The following PDZRN4 variants were observed in gnomAD, a reference collection of about 807,000 sequenced individuals.
PDZRN4 encodes the protein PDZ domain-containing RING finger protein 4.
A neutral mutation model predicts 99.0 loss-of-function variants in PDZRN4; 70 were observed. The observed-to-expected ratio is 0.71, with a 90% CI of 0.58 to 0.86. PDZRN4 has a LOEUF of 0.86. PDZRN4 is among the 40% of genes least tolerant of loss of function. PDZRN4 has a pLI of 0.00. For synonymous variants in PDZRN4, 551 were observed against 501.6 expected (o/e 1.10, Z -1.32); for missense variants, 1,474 against 1,331.2 (o/e 1.11, Z -1.67).
At chr12:41,375,188 A>G (rs1952070229) in intron 3 of PDZRN4, among the ~76,000 whole-genome samples, 1 of 152,178 alleles carries the variant, frequency 6.6e-6, no homozygotes, top group African/African-American at 2.4e-5. Flanking sequence ...AAAACCCTCA[A>G]TTCAGAACCA....
intron 5 of PDZRN4, among the ~76,000 whole-genome samples, chr12:41,511,572 A>G (rs545707310): frequency 6.6e-6 from 1 of 152,224 alleles, no homozygotes; most frequent in East Asian, 1.9e-4. Context: ...AGGAGTTGCT[A>G]TGACAGTTTT....
At chr12:41,398,681 T>TTA (rs1293497227) in intron 3 of PDZRN4, among the ~76,000 whole-genome samples, 5 of 152,202 alleles carry the variant, frequency 3.3e-5, no homozygotes, top group Non-Finnish European at 4.4e-5. Context: ...CTTCTTTAAT[T>TTA]TATATCACAA....
chr12:41,273,990 T>C (rs140495240), intron 3 of PDZRN4, among the ~76,000 whole-genome samples: 3 of 152,270 alleles, frequency 2.0e-5, no homozygotes, highest in East Asian at 1.9e-4. Flanking sequence ...GTTCATTTTG[T>C]CTTTACTTTG....
chr12:41,225,861 T>A (rs901311478), intron 3 of PDZRN4, among the ~76,000 whole-genome samples: 1 of 152,158 alleles, frequency 6.6e-6, no homozygotes, highest in Non-Finnish European at 1.5e-5. Flanking sequence ...ATTTTCATCA[T>A]GCCTTCTCCT....
intron 3 of PDZRN4, among the ~76,000 whole-genome samples, chr12:41,316,290 TAAAA>T: frequency 6.6e-6 from 1 of 152,102 alleles, no homozygotes; most frequent in East Asian, 1.9e-4. Context: ...AAGCGTATGT[TAAAA>T]TCAAGATAGG....
chr12:41,337,927 T>C (rs1392856733), intron 3 of PDZRN4, among the ~76,000 whole-genome samples: 1 of 151,800 alleles, frequency 6.6e-6, no homozygotes, highest in Non-Finnish European at 1.5e-5. Context: ...CTGTCTTTTT[T>C]TTGTTTTTGT....
At position 41,354,856 on chromosome 12, in the gene PDZRN4, G is replaced by A. The variant is rs182386182; in HGVS notation, c.844-151600G>A. On this transcript the variant is annotated intron_variant, in intron 3 of 9. Coordinates refer to ENST00000402685, the MANE Select transcript of PDZRN4 (RefSeq NM_001164595.2). Reference sequence around the variant, plus strand: ...GAATAATTCAAAAATGTAACTTTTCGGACCTCCTGGAACAAAGGGCAAGTA... The same window carrying A: ...GAATAATTCAAAAATGTAACTTTTCAGACCTCCTGGAACAAAGGGCAAGTA... 1.8e-3 allele frequency among the ~76,000 whole-genome samples: 272 copies of A among 151,954 alleles called. 2 individuals are homozygous for A. Among genetic ancestry groups the A allele is most frequent in the African/African-American group, 6.1e-3 (253 of 41,462 alleles).
chr12:41,288,633 T>C (rs1951436783), intron 3 of PDZRN4, among the ~76,000 whole-genome samples: 1 of 152,172 alleles, frequency 6.6e-6, no homozygotes, highest in South Asian at 2.1e-4. Context: ...TTTGCATGGA[T>C]GAGAAATCAA....
At chr12:41,511,118 A>G (rs898194326) in intron 5 of PDZRN4, among the ~76,000 whole-genome samples, 2 of 152,220 alleles carry the variant, frequency 1.3e-5, no homozygotes, top group East Asian at 1.9e-4. Flanking sequence ...CTTTTGGTTA[A>G]TGAATACTTT....
intron 3 of PDZRN4, among the ~76,000 whole-genome samples, chr12:41,316,888 C>G (rs978072846): frequency 6.6e-6 from 1 of 151,430 alleles, no homozygotes; most frequent in Non-Finnish European, 1.5e-5. Context: ...GTGAGTCTGT[C>G]TGTTTTCCTG....
intron 3 of PDZRN4, among the ~76,000 whole-genome samples, chr12:41,448,165 C>G (rs1160014941): frequency 6.6e-6 from 1 of 152,114 alleles, no homozygotes; most frequent in African/African-American, 2.4e-5. Context: ...TTCCATAAAT[C>G]CATTTCTGCC....
intron 3 of PDZRN4, among the ~76,000 whole-genome samples, chr12:41,298,994 A>G (rs1181326520): frequency 6.6e-6 from 1 of 151,720 alleles, no homozygotes; most frequent in East Asian, 1.9e-4. Flanking sequence ...TCTAATTCCT[A>G]TTATTCTGTG....
At chr12:41,402,118 TATATATATATATATATATATATAC>T (rs1324130298) in intron 3 of PDZRN4, among the ~76,000 whole-genome samples, 1 of 36,734 alleles carries the variant, frequency 2.7e-5, no homozygotes, top group African/African-American at 1.7e-4. Flanking sequence ...ACACTGAGTA[TATATATATATATATATATATATAC>T]ACACACTGAG....
At chr12:41,302,406 G>T (rs1042408731) in intron 3 of PDZRN4, among the ~76,000 whole-genome samples, 3 of 146,146 alleles carry the variant, frequency 2.1e-5, no homozygotes, top group African/African-American at 8.4e-5. Flanking sequence ...TCCAAGGGAA[G>T]GGGTGTACAC....
chr12:41,256,746 C>G (rs577551270), intron 3 of PDZRN4, among the ~76,000 whole-genome samples: 1 of 152,226 alleles, frequency 6.6e-6, no homozygotes, highest in South Asian at 2.1e-4. Context: ...TTGTGTGTCT[C>G]AAGCCCTTTC....
chr12:41,555,813 A>C (rs374501034), intron 7 of PDZRN4, 53 bp downstream of exon 7: 1 of 1,371,754 alleles, frequency 7.3e-7, no homozygotes. Flanking sequence ...CAAAGTTACT[A>C]TTTTACTTTG....
At chr12:41,406,959 C>T (rs1952355132) in intron 3 of PDZRN4, among the ~76,000 whole-genome samples, 1 of 151,960 alleles carries the variant, frequency 6.6e-6, no homozygotes, top group African/African-American at 2.4e-5. Flanking sequence ...AATCCCAACC[C>T]ATGTTCATAG....
At chr12:41,329,590 G>A (rs1023705090) in intron 3 of PDZRN4, among the ~76,000 whole-genome samples, 11 of 151,976 alleles carry the variant, frequency 7.2e-5, no homozygotes, top group Non-Finnish European at 1.6e-4. Flanking sequence ...TGTCATTTTT[G>A]GTGTGAGTGT....
intron 5 of PDZRN4, among the ~76,000 whole-genome samples, chr12:41,545,253 C>A (rs1040742361): frequency 6.6e-5 from 10 of 152,200 alleles, no homozygotes; most frequent in Non-Finnish European, 1.5e-4. Context: ...GACCCCTCAC[C>A]CAGCCCAATC....
Sources: gnomAD v4.1 joint callset for allele counts (sites outside exome capture counted in the v4.1 genomes callset) on GRCh38, gnomAD v4.1.1 for gene constraint, MANE v1.5 for transcripts, NCBI Gene and HGNC (gene_info 2026-07-23, HGNC 2026-07-21) for gene names.